HPSE2: variants seen among roughly 807,000 people sequenced by gnomAD.
HPSE2 encodes the protein inactive heparanase-2.
A neutral mutation model predicts 60.5 loss-of-function variants in HPSE2; 38 were observed. The ratio of observed to expected loss-of-function variants is 0.63; its 90% confidence interval spans 0.48 to 0.82. HPSE2 has a LOEUF of 0.82. Among genes scored for constraint, HPSE2 ranks in the 40% least tolerant of loss-of-function variants. HPSE2 has a pLI of 0.00. For missense variants in HPSE2, 713 were observed against 740.4 expected (o/e 0.96, Z 0.43); for synonymous variants, 295 against 293.2 (o/e 1.01, Z -0.06).
chr10:99,195,698 A>G (rs1054776000), intron 2 of HPSE2, among the ~76,000 whole-genome samples: 1 of 152,150 alleles, frequency 6.6e-6, no homozygotes, highest in Non-Finnish European at 1.5e-5. Context: ...CATTGATGAA[A>G]GGAATTGAAG....
At chr10:99,220,048 A>G (rs1354306554) in intron 2 of HPSE2, among the ~76,000 whole-genome samples, 4 of 152,216 alleles carry the variant, frequency 2.6e-5, no homozygotes, top group Non-Finnish European at 4.4e-5. Context: ...GTCACTTTCT[A>G]TCTGCATCCA....
intron 3 of HPSE2, among the ~76,000 whole-genome samples, chr10:99,115,155 G>GTTTTTT (rs577271484): frequency 7.7e-6 from 1 of 130,688 alleles, no homozygotes. Flanking sequence ...AGCTAAATGT[G>GTTTTTT]TTTTTTTTTT....
intron 2 of HPSE2, among the ~76,000 whole-genome samples, chr10:99,161,171 T>C (rs1846825427): frequency 6.7e-6 from 1 of 150,362 alleles, no homozygotes; most frequent in Non-Finnish European, 1.5e-5. Flanking sequence ...TAGTGAGCCA[T>C]GGTCCCATCA....
intron 3 of HPSE2, among the ~76,000 whole-genome samples, chr10:98,881,468 C>T (rs950725139): frequency 6.6e-6 from 1 of 152,014 alleles, no homozygotes; most frequent in Admixed American, 6.6e-5. Flanking sequence ...CCTAAATACA[C>T]ATATAGCTAA....
chr10:98,640,619 A>C (rs1351364556), intron 7 of HPSE2, among the ~76,000 whole-genome samples: 1 of 151,830 alleles, frequency 6.6e-6, no homozygotes, highest in Non-Finnish European at 1.5e-5. Context: ...CTATTTATTA[A>C]TTCATCTCAT....
intron 3 of HPSE2, among the ~76,000 whole-genome samples, chr10:98,908,767 G>T (rs1953899210): frequency 6.6e-6 from 1 of 151,692 alleles, no homozygotes; most frequent in East Asian, 1.9e-4. Context: ...TATATAAAGG[G>T]GCTAAAGGGA....
chr10:98,536,839 C>G (rs1021589344), intron 9 of HPSE2, among the ~76,000 whole-genome samples: 1 of 152,032 alleles, frequency 6.6e-6, no homozygotes, highest in Non-Finnish European at 1.5e-5. Context: ...AAACCACATT[C>G]AAGGGACTAA....
At chr10:99,159,758 T>G (rs1846745926) in intron 2 of HPSE2, among the ~76,000 whole-genome samples, 1 of 152,158 alleles carries the variant, frequency 6.6e-6, no homozygotes, top group Non-Finnish European at 1.5e-5. Flanking sequence ...AAGTACAGAT[T>G]TCTTAGTTAT....
Position 98,583,243 on chromosome 10 carries a change from A to G in HPSE2, c.1320+31661T>C, listed in dbSNP as rs1564987645. Among the ~76,000 whole-genome samples the G allele has an allele frequency of 2.6e-5, 4 of 152,348 alleles. No homozygotes were observed. In the South Asian group the frequency reaches 8.3e-4, roughly 32 times the overall value. ...ACTTCACTTCATCCTCTTCATTTAC[A>G]TAGGCGTACACCAATTAACCAGTGG... On this transcript the variant is annotated intron_variant, in intron 9 of 11. Transcript: ENST00000370552.
chr10:98,726,905 T>C (rs1174635793), intron 4 of HPSE2, among the ~76,000 whole-genome samples: 2 of 151,990 alleles, frequency 1.3e-5, no homozygotes, highest in Non-Finnish European at 2.9e-5. Context: ...GTTAGACTTG[T>C]AAAAGACCTA....
chr10:98,559,793 G>C (rs894959085), intron 9 of HPSE2, among the ~76,000 whole-genome samples: 4 of 152,214 alleles, frequency 2.6e-5, no homozygotes. Context: ...GATTTATTCT[G>C]TCTGGGAGGA....
At chr10:98,649,846 A>C (rs1422806267) in intron 6 of HPSE2, among the ~76,000 whole-genome samples, 4 of 152,240 alleles carry the variant, frequency 2.6e-5, no homozygotes, top group Admixed American at 6.5e-5. Context: ...TTCAGCCATG[A>C]TAGAACTGAA....
At chr10:98,986,829 G>C (rs947641199) in intron 3 of HPSE2, among the ~76,000 whole-genome samples, 52 of 152,160 alleles carry the variant, frequency 3.4e-4, no homozygotes, top group Admixed American at 1.2e-3. Flanking sequence ...CGATCCCACA[G>C]AAATACAAAC....
intron 6 of HPSE2, among the ~76,000 whole-genome samples, chr10:98,690,271 T>A (rs1589645372): frequency 1.3e-5 from 2 of 152,316 alleles, no homozygotes; most frequent in East Asian, 3.9e-4. Context: ...CCGGGTGTGG[T>A]GGCTCATGCC....
intron 3 of HPSE2, among the ~76,000 whole-genome samples, chr10:98,861,097 G>C (rs1006466277): frequency 1.3e-5 from 2 of 152,190 alleles, no homozygotes; most frequent in African/African-American, 4.8e-5. Flanking sequence ...TCCTCAGGTG[G>C]TAAAGATATT....
At chr10:99,062,131 A>C (rs1020152611) in intron 3 of HPSE2, among the ~76,000 whole-genome samples, 18 of 152,096 alleles carry the variant, frequency 1.2e-4, no homozygotes, top group African/African-American at 4.1e-4. Flanking sequence ...CCAATATTAC[A>C]TCCTAGGGCA....
intron 9 of HPSE2, among the ~76,000 whole-genome samples, chr10:98,495,471 G>A (rs1941803714): frequency 6.6e-6 from 1 of 152,020 alleles, no homozygotes; most frequent in Non-Finnish European, 1.5e-5. Context: ...TATTTTCTGT[G>A]ATCCTTTTTC....
chr10:98,648,812 AT>A (rs943965703), intron 6 of HPSE2, among the ~76,000 whole-genome samples: 5 of 152,204 alleles, frequency 3.3e-5, no homozygotes, highest in African/African-American at 1.2e-4. Flanking sequence ...TTTATATCAA[AT>A]GACAAAATAA....
At chr10:98,727,920 A>T (rs563789525) in intron 4 of HPSE2, among the ~76,000 whole-genome samples, 1 of 152,282 alleles carries the variant, frequency 6.6e-6, no homozygotes, top group African/African-American at 2.4e-5. Flanking sequence ...AAGAAAACAA[A>T]ACAAAACTGA....
Sources: gnomAD v4.1 joint callset for allele counts (sites outside exome capture counted in the v4.1 genomes callset) on GRCh38, gnomAD v4.1.1 for gene constraint, MANE v1.5 for transcripts, NCBI Gene and HGNC (gene_info 2026-07-23, HGNC 2026-07-21) for gene names.